Variants in MYO18A observed in about 807,000 individuals in gnomAD.
MYO18A encodes the protein unconventional myosin-XVIIIa.
A neutral mutation model predicts 235.8 loss-of-function variants in MYO18A; 78 were observed. The observed-to-expected ratio is 0.33, with a 90% confidence interval of 0.28 to 0.40. The LOEUF is 0.40. Among genes scored for constraint, MYO18A ranks in the 10% least tolerant of loss-of-function variants. The pLI is 1.00. For synonymous variants in MYO18A, 977 were observed against 1,077.8 expected, an observed-to-expected ratio of 0.91 and a Z score of 1.83; for missense variants, 2,215 against 2,699.3, an observed-to-expected ratio of 0.82 and a Z score of 3.98.
chr17:29,168,132 G>C (rs1158355816), intron 1 of MYO18A, among the ~76,000 whole-genome samples: 1 of 146,604 alleles, frequency 6.8e-6, no homozygotes, highest in Non-Finnish European at 1.5e-5. Flanking sequence ...GCAAGAGAAA[G>C]AAGGGAAGTT....
intron 19 of MYO18A, chr17:29,107,435 T>G: frequency 2.1e-6 from 1 of 477,934 alleles, no homozygotes. Flanking sequence ...AGGAACAGCC[T>G]CCTTCAGAGA....
Position 29,180,287 on chromosome 17 carries a change from G to GGCC in MYO18A, c.-82+23_-82+25dup, listed in dbSNP as rs910158398. 6.1e-5 allele frequency: 9 copies of GGCC among 146,934 alleles called. No homozygotes were observed. The highest frequency in any genetic ancestry group is 9.9e-5 in the African/African-American group (4 of 40,394). The allele number at this position is 146,934 out of a possible 1,614,324, so 9.1% of individuals were successfully genotyped here. ...CACCAAGCCGGGCCCGCCACCGAGC[G>GGCC]GCCGCCGCCGCCGACCGGCACTCAC... On this transcript the variant is annotated intron_variant, in intron 1 of 41. Transcript: ENST00000527372. The surrounding 1 kb of genome is among the most constrained non-coding windows in gnomAD (Gnocchi z 6.1).
Position 29,132,749 on chromosome 17 carries a change from A to G in MYO18A, c.1000-10496T>C, listed in dbSNP as rs1310486109. ...GGCTCAATCTTCATAGTTAGCTCACAATGCCAAGGACGAGGGGAAATGGCA... is the reference window on the plus strand; with the variant it reads ...GGCTCAATCTTCATAGTTAGCTCACGATGCCAAGGACGAGGGGAAATGGCA... On this transcript the variant is annotated intron_variant, in intron 2 of 41. Transcript: ENST00000527372. Among the ~76,000 whole-genome samples, 4 of 152,242 alleles carry G rather than the reference A, an allele frequency of 2.6e-5. No individual in the cohort carries two copies. In the East Asian group the frequency reaches 5.8e-4, roughly 22 times the overall value.
chr17:29,159,303 C>T (rs1263295880), intron 2 of MYO18A, among the ~76,000 whole-genome samples: 2 of 152,044 alleles, frequency 1.3e-5, no homozygotes, highest in Non-Finnish European at 1.5e-5. Context: ...GTCCCATGCC[C>T]TTGACACCTG....
intron 2 of MYO18A, 95 bp downstream of exon 2, chr17:29,165,847 G>T: frequency 4.1e-6 from 5 of 1,209,432 alleles, no homozygotes; most frequent in Non-Finnish European, 5.8e-6. Flanking sequence ...GCTAGGCTCT[G>T]ATAACAGCTC....
At chr17:29,149,498 C>T (rs2067924145) in intron 2 of MYO18A, among the ~76,000 whole-genome samples, 2 of 152,186 alleles carry the variant, frequency 1.3e-5, no homozygotes, top group East Asian at 1.9e-4. Flanking sequence ...CCTACACCCA[C>T]CCAGTCCCTG....
Position 29,119,432 on chromosome 17 carries a change from T to C in MYO18A, c.1732A>G (p.Met578Val), listed in dbSNP as rs375807787. ...GQVASASIQT[M>V]LLEKLRVARR... is the part of the protein sequence containing the mutation. ...GCCACACGCAGCTTCTCCAGAAGCA[T>C]TGTCTGTGACACAGCATGGACGTGT... The change falls in exon 8 of 42, where the codon ATG becomes GTG. Residue 578 changes from methionine (M) to valine (V), a missense_variant. Transcript: ENST00000527372. The C allele has an allele frequency of 5.6e-6, 9 of 1,609,092 alleles. No individual in the cohort carries two copies. Among genetic ancestry groups the C allele is most frequent in the Admixed American group, 1.7e-5 (1 of 59,510 alleles).
In MYO18A at chr17:29,090,522, T is replaced by G; in HGVS notation, c.5388+10A>C. 1 of 1,579,898 alleles carries G rather than the reference T, an allele frequency of 6.3e-7. No homozygotes were observed. The highest frequency in any genetic ancestry group is 8.6e-7 in the Non-Finnish European group (1 of 1,161,250). On this transcript the variant is annotated intron_variant, in intron 36 of 41. Coordinates refer to ENST00000527372, the MANE Select transcript of MYO18A (RefSeq NM_078471.4). ...ACTCTCTCTCTCCTGAGGGAGCCCC[T>G]GGTCCTCACCTTCTCCTGCAGCTCC... is the stretch of plus-strand genomic sequence containing the variant.
At position 29,106,834 on chromosome 17, in the gene MYO18A, C is replaced by A. The variant is rs144778343; in HGVS notation, c.3441+246G>T. 6.6e-6 allele frequency among the ~76,000 whole-genome samples: 1 copy of A among 152,204 alleles called. No homozygotes were observed. The highest frequency in any genetic ancestry group is 1.5e-5 in the Non-Finnish European group (1 of 68,036). On this transcript the variant is annotated intron_variant, in intron 20 of 41. Coordinates refer to ENST00000527372, the MANE Select transcript of MYO18A (RefSeq NM_078471.4). The surrounding 1 kb of genome is among the most constrained non-coding windows in gnomAD (Gnocchi z 4.6). The stretch of plus-strand genomic sequence containing the variant: ...ACCCTCAGTGCGCCCAGGCCCTGCT[C>A]GCTCCTGGATGATTGTCTGGCTCAC...
chr17:29,146,416 G>A (rs1159503792), intron 2 of MYO18A, among the ~76,000 whole-genome samples: 1 of 152,326 alleles, frequency 6.6e-6, no homozygotes, highest in Non-Finnish European at 1.5e-5. Flanking sequence ...AAGCAAGTGT[G>A]TGCTGTAGTG....
chr17:29,139,549 C>A (rs538532690), intron 2 of MYO18A, among the ~76,000 whole-genome samples: 5 of 152,134 alleles, frequency 3.3e-5, no homozygotes, highest in Admixed American at 3.3e-4. Context: ...TCCTGATGCA[C>A]CTCCGCACCA....
chr17:29,145,763 T>C (rs1423063176), intron 2 of MYO18A, among the ~76,000 whole-genome samples: 17 of 152,166 alleles, frequency 1.1e-4, no homozygotes, highest in Non-Finnish European at 1.5e-5. Context: ...AGATAACAAA[T>C]GTACCCCAAT....
rs575291875 is a variant in MYO18A at position 29,118,858 on chromosome 17, C to A, written c.1830-418G>T. 2.0e-5 allele frequency among the ~76,000 whole-genome samples: 3 copies of A among 152,184 alleles called. No individual in the cohort carries two copies. The highest frequency in any genetic ancestry group is 7.2e-5 in the African/African-American group (3 of 41,416). On this transcript the variant is annotated intron_variant, in intron 8 of 41. Coordinates refer to ENST00000527372, the MANE Select transcript of MYO18A (RefSeq NM_078471.4). This position sits in a 1 kb window ranked among gnomAD's most constrained non-coding sequence, Gnocchi z 4.2. Reference sequence around the variant, plus strand: ...AAATCTGAATGTCTGAAGGGAAGAGCGTGGCAGAGGCAGCCAACGTGGGGC... The same window carrying A: ...AAATCTGAATGTCTGAAGGGAAGAGAGTGGCAGAGGCAGCCAACGTGGGGC...
chr17:29,161,355 C>CAAAAA (rs1175565325), intron 2 of MYO18A, among the ~76,000 whole-genome samples: 2 of 50,298 alleles, frequency 4.0e-5, no homozygotes, highest in African/African-American at 6.7e-5. Flanking sequence ...AACTCCATGT[C>CAAAAA]AAAAAAAAAA....
chr17:29,083,001 G>C (rs1457752594), intron 40 of MYO18A, among the ~76,000 whole-genome samples: 3 of 149,320 alleles, frequency 2.0e-5, no homozygotes, highest in Non-Finnish European at 4.4e-5. Context: ...CTGGGCTCTA[G>C]GTTAAGGAGG....
chr17:29,129,822 G>C (rs946413757), intron 2 of MYO18A, among the ~76,000 whole-genome samples: 3 of 152,214 alleles, frequency 2.0e-5, no homozygotes, highest in African/African-American at 7.2e-5. Flanking sequence ...TTACAGGTTG[G>C]CTCCGCTGAA....
At chr17:29,122,820 T>C in intron 2 of MYO18A, among the ~76,000 whole-genome samples, 1 of 152,348 alleles carries the variant, frequency 6.6e-6, no homozygotes, top group African/African-American at 2.4e-5. Context: ...GCCTCAGCCC[T>C]GGCCCTCCCC....
At chr17:29,079,659 G>A in intron 41 of MYO18A, 18 of 959,750 alleles carry the variant, frequency 1.9e-5, no homozygotes, top group Non-Finnish European at 2.2e-5. Flanking sequence ...CGGCCTGAGG[G>A]GCAGGGAGGA....
intron 2 of MYO18A, among the ~76,000 whole-genome samples, chr17:29,141,953 G>T (rs964151160): frequency 6.6e-6 from 1 of 151,114 alleles, no homozygotes; most frequent in East Asian, 1.9e-4. Context: ...TTTTGTTTTT[G>T]TTTTTTTTTG....
Sources: gnomAD v4.1 joint callset for allele counts (sites outside exome capture counted in the v4.1 genomes callset) on GRCh38, gnomAD v4.1.1 for gene constraint, Gnocchi (gnomAD v3.1) non-coding constraint, MANE v1.5 for transcripts, NCBI Gene and HGNC (gene_info 2026-07-23, HGNC 2026-07-21) for gene names.